ERG: variants seen among roughly 807,000 people sequenced by gnomAD.
The protein encoded by ERG is ETS transcription factor ERG.
In ERG, 9 loss-of-function variants were observed where a neutral mutation model predicts 55.3. The observed-to-expected ratio is 0.16, with a 90% confidence interval of 0.10 to 0.28. The LOEUF is 0.28. ERG is among the 10% of genes least tolerant of loss of function. The probability of loss-of-function intolerance (pLI) is 1.00; values close to 1 mark genes in which losing one functional copy is unlikely to be tolerated. For synonymous variants in ERG, 223 were observed against 237.3 expected (o/e 0.94, Z 0.55); for missense variants, 434 against 631.6 (o/e 0.69, Z 3.35).
chr21:38,462,003 A>T (rs2059047755), intron 1 of ERG, among the ~76,000 whole-genome samples: 1 of 148,730 alleles, frequency 6.7e-6, no homozygotes, highest in Admixed American at 6.7e-5. Flanking sequence ...CTTTTTTGAG[A>T]CGGAGTCTCG....
chr21:38,659,513 A>T (rs958849510), intron 1 of ERG, among the ~76,000 whole-genome samples: 1 of 152,236 alleles, frequency 6.6e-6, no homozygotes, highest in Non-Finnish European at 1.5e-5. Flanking sequence ...CTACTTGGAG[A>T]GAATGGAAAA....
In ERG at chr21:38,602,692, T is replaced by C. The variant is rs191602221; in HGVS notation, c.-149-17747A>G. Among the ~76,000 whole-genome samples the C allele has an allele frequency of 2.0e-3, 298 of 152,124 alleles. 1 individual carries two copies. Among genetic ancestry groups the C allele is most frequent in the Non-Finnish European group, 3.4e-3 (228 of 68,026 alleles). On this transcript the variant is annotated intron_variant, in intron 1 of 10. Coordinates refer to the ERG transcript ENST00000398910. ...TCATGCTTAACAATACATTCATTTGTGGGCTTTGTGATTTTTTTCCCTCTC... is the reference window on the plus strand; with the variant it reads ...TCATGCTTAACAATACATTCATTTGCGGGCTTTGTGATTTTTTTCCCTCTC...
chr21:38,545,556 AAAT>A (rs1346479314), intron 2 of ERG, among the ~76,000 whole-genome samples: 1 of 152,206 alleles, frequency 6.6e-6, no homozygotes, highest in Non-Finnish European at 1.5e-5. Flanking sequence ...GCCCTAAAAT[AAAT>A]AATCCAAAAC....
intron 1 of ERG, among the ~76,000 whole-genome samples, chr21:38,457,839 C>T (rs1001798050): frequency 6.6e-6 from 1 of 152,170 alleles, no homozygotes; most frequent in Non-Finnish European, 1.5e-5. Flanking sequence ...ACTCATCCAA[C>T]CTGCACAGTA....
At chr21:38,613,534 TC>T (rs2060240996) in intron 1 of ERG, among the ~76,000 whole-genome samples, 1 of 152,158 alleles carries the variant, frequency 6.6e-6, no homozygotes. Flanking sequence ...AATAGCTCAG[TC>T]CCCAAAATGC....
chr21:38,606,516 G>C (rs1303768431), intron 1 of ERG, among the ~76,000 whole-genome samples: 1 of 152,110 alleles, frequency 6.6e-6, no homozygotes, highest in Non-Finnish European at 1.5e-5. Flanking sequence ...ACCAAAATAA[G>C]TAGATTTTAG....
chr21:38,605,540 G>A (rs1360999566), intron 1 of ERG, among the ~76,000 whole-genome samples: 2 of 152,094 alleles, frequency 1.3e-5, no homozygotes, highest in African/African-American at 2.4e-5. Context: ...AAGCCCCAAG[G>A]TCCAGAGTCA....
chr21:38,537,850 A>G (rs1408805425), intron 2 of ERG, among the ~76,000 whole-genome samples: 1 of 152,224 alleles, frequency 6.6e-6, no homozygotes, highest in Non-Finnish European at 1.5e-5. Context: ...TTGCACATCC[A>G]TGTTCATAGC....
intron 1 of ERG, among the ~76,000 whole-genome samples, chr21:38,452,663 C>T (rs546548575): frequency 1.6e-4 from 25 of 152,314 alleles, no homozygotes; most frequent in East Asian, 9.6e-4. Flanking sequence ...ACCTCTGCTC[C>T]TTCCTCTCTC....
In ERG at chr21:38,442,674, C is replaced by G. The variant is rs571735582; in HGVS notation, c.236+2730G>C. On this transcript the variant is annotated intron_variant, in intron 2 of 9. Coordinates refer to ENST00000288319, the MANE Select transcript of ERG (RefSeq NM_182918.4). ...CCAACCTGTACCCCTGGGGTCACAA[C>G]ACAGGCTGGAAAAGCTTCCCCATGC... Among the ~76,000 whole-genome samples the G allele has an allele frequency of 3.9e-5, 6 of 152,314 alleles. No homozygotes were observed. In the East Asian group the frequency reaches 1.2e-3, roughly 29 times the overall value.
chr21:38,457,931 T>C (rs974736618), intron 1 of ERG, among the ~76,000 whole-genome samples: 9 of 152,200 alleles, frequency 5.9e-5, no homozygotes, highest in Admixed American at 5.2e-4. Context: ...ACTTGCTCTC[T>C]TCCACTCTAG....
intron 1 of ERG, among the ~76,000 whole-genome samples, chr21:38,601,223 C>A (rs1007182372): frequency 2.0e-5 from 3 of 152,148 alleles, no homozygotes; most frequent in African/African-American, 7.2e-5. Flanking sequence ...GCAGGAATCC[C>A]ACCTAATGTC....
intron 6 of ERG, among the ~76,000 whole-genome samples, chr21:38,396,078 T>G (rs898614303): frequency 6.6e-6 from 1 of 152,188 alleles, no homozygotes; most frequent in Non-Finnish European, 1.5e-5. Context: ...CAGATGAGAT[T>G]TGCCTGCTCT....
chr21:38,399,392 G>A (rs189838191), intron 6 of ERG, among the ~76,000 whole-genome samples: 5 of 152,306 alleles, frequency 3.3e-5, no homozygotes, highest in African/African-American at 1.2e-4. Context: ...TAGAAAGAAA[G>A]AGTAGTTGCC....
intron 2 of ERG, among the ~76,000 whole-genome samples, chr21:38,523,960 T>G (rs769837679): frequency 7.2e-5 from 11 of 152,212 alleles, no homozygotes; most frequent in Non-Finnish European, 1.6e-4. Context: ...AAGAGACACT[T>G]TGTTTTTGTA....
chr21:38,421,021 C>T (rs1307682248), intron 3 of ERG, among the ~76,000 whole-genome samples: 1 of 152,154 alleles, frequency 6.6e-6, no homozygotes, highest in African/African-American at 2.4e-5. Flanking sequence ...GGGCAACACA[C>T]CACTGCCCTC....
At chr21:38,544,052 T>C (rs185408914) in intron 2 of ERG, among the ~76,000 whole-genome samples, 2 of 152,198 alleles carry the variant, frequency 1.3e-5, no homozygotes, top group Admixed American at 1.3e-4. Context: ...GGGAACACTA[T>C]TGAATAGTGT....
chr21:38,617,672 T>C (rs1329562339), intron 1 of ERG, among the ~76,000 whole-genome samples: 1 of 152,186 alleles, frequency 6.6e-6, no homozygotes, highest in Non-Finnish European at 1.5e-5. Flanking sequence ...CCTGAACTCA[T>C]TTCTATTCCA....
intron 1 of ERG, among the ~76,000 whole-genome samples, chr21:38,635,179 G>A (rs2060380662): frequency 1.3e-5 from 2 of 152,130 alleles, no homozygotes; most frequent in Admixed American, 1.3e-4. Context: ...GGCATTTTTA[G>A]GGCAGTGAAA....
Sources: allele counts gnomAD v4.1 joint callset (sites outside exome capture counted in the v4.1 genomes callset), GRCh38; gene constraint gnomAD v4.1.1; transcripts MANE v1.5; gene names NCBI Gene and HGNC (gene_info 2026-07-23, HGNC 2026-07-21).